TECPR2: variants seen among roughly 807,000 people sequenced by gnomAD.
TECPR2 encodes the protein tectonin beta-propeller repeat-containing protein 2.
A neutral mutation model predicts 138.1 loss-of-function variants in TECPR2; 65 were observed. The observed-to-expected ratio is 0.47, with a 90% CI of 0.39 to 0.58. The LOEUF (loss-of-function observed/expected upper bound fraction) is 0.58, where lower values mean the gene tolerates loss of function less well. TECPR2 is among the 20% of genes least tolerant of loss of function. The pLI is 0.00. For missense variants in TECPR2, 1,553 were observed against 1,824.5 expected (o/e 0.85, Z 2.71); for synonymous variants, 746 against 749.8 (o/e 0.99, Z 0.08).
At chr14:102,395,749 G>A (rs1166322384) in intron 2 of TECPR2, among the ~76,000 whole-genome samples, 1 of 151,900 alleles carries the variant, frequency 6.6e-6, no homozygotes, top group African/African-American at 2.4e-5. Context: ...AGTGAGCCGA[G>A]ATCACACCGT....
At chr14:102,482,943 A>C (rs1595147059) in intron 17 of TECPR2, among the ~76,000 whole-genome samples, 1 of 139,818 alleles carries the variant, frequency 7.2e-6, no homozygotes. Flanking sequence ...TCCCAGGTTC[A>C]CGCCATTCTC....
intron 10 of TECPR2, among the ~76,000 whole-genome samples, chr14:102,439,277 G>A (rs1001687840): frequency 5.3e-5 from 8 of 152,150 alleles, no homozygotes. Flanking sequence ...GAAGTCAGAC[G>A]AAGCCGAAGC....
At chr14:102,385,153 G>A (rs944609181) in intron 2 of TECPR2, among the ~76,000 whole-genome samples, 9 of 152,082 alleles carry the variant, frequency 5.9e-5, no homozygotes, top group South Asian at 2.1e-4. Flanking sequence ...CACGGCACCC[G>A]GCTCTTTTTC....
chr14:102,407,585 T>C, intron 3 of TECPR2, 119 bp downstream of exon 3: 1 of 1,344,432 alleles, frequency 7.4e-7, no homozygotes, highest in Non-Finnish European at 9.9e-7. Context: ...GGCACGACTT[T>C]CTCTGCCCAG....
At position 102,448,892 on chromosome 14, in the gene TECPR2, C is replaced by T. The variant is rs540469262; in HGVS notation, c.3076-737C>T. ...AAAAAAAAAAAAGTTCATCACTCTA[C>T]TTGTGATACCTTTTTAGATGCATAT... On this transcript the variant is annotated intron_variant, in intron 13 of 19. Transcript: ENST00000359520. Among the ~76,000 whole-genome samples the T allele has an allele frequency of 4.6e-5, 7 of 152,012 alleles. 1 individual carries two copies. The highest frequency in any genetic ancestry group is 1.7e-4 in the African/African-American group (7 of 41,508).
Position 102,443,635 on chromosome 14 carries a change from T to C in TECPR2, c.2753-12T>C. 6.5e-7 allele frequency: 1 copy of C among 1,542,676 alleles called. No homozygotes were observed. Among genetic ancestry groups the C allele is most frequent in the East Asian group, 2.3e-5 (1 of 43,580 alleles). ...TGTGTGTCTTTGGGGCTTCTTCCCA[T>C]CTTCCTGGCAGGTCTGAGCGTGGAT... is the stretch of plus-strand genomic sequence containing the variant. On this transcript the variant is annotated splice_polypyrimidine_tract_variant and intron_variant, in intron 11 of 19. Coordinates refer to ENST00000359520, the MANE Select transcript of TECPR2 (RefSeq NM_014844.5). The surrounding 1 kb of genome is among the most constrained non-coding windows in gnomAD (Gnocchi z 4.9).
At chr14:102,475,872 G>A (rs1890746933) in intron 17 of TECPR2, among the ~76,000 whole-genome samples, 1 of 152,122 alleles carries the variant, frequency 6.6e-6, no homozygotes, top group South Asian at 2.1e-4. Flanking sequence ...TGTTCAAGAA[G>A]CTAGTAGAGA....
intron 9 of TECPR2, among the ~76,000 whole-genome samples, chr14:102,435,473 C>T (rs1360285687): frequency 6.6e-6 from 1 of 152,148 alleles, no homozygotes; most frequent in East Asian, 1.9e-4. Flanking sequence ...TTCCTCTGAC[C>T]CCACAAGTGC....
chr14:102,375,854 C>T (rs1887627946), intron 1 of TECPR2, among the ~76,000 whole-genome samples: 1 of 152,232 alleles, frequency 6.6e-6, no homozygotes, highest in Non-Finnish European at 1.5e-5. Flanking sequence ...TCATGACCCT[C>T]TGGCCCCCAG....
chr14:102,450,003 G>A, intron 14 of TECPR2, 134 bp downstream of exon 14: 1 of 1,288,466 alleles, frequency 7.8e-7, no homozygotes, highest in Non-Finnish European at 1.1e-6. Flanking sequence ...TCTAGTGGAG[G>A]CACTCTATGC....
In TECPR2 at chr14:102,420,819, C is replaced by G. The variant is rs1307627228; in HGVS notation, c.639-4160C>G. 6.6e-6 allele frequency among the ~76,000 whole-genome samples: 1 copy of G among 152,120 alleles called. No individual in the cohort carries two copies. The highest frequency in any genetic ancestry group is 1.5e-5 in the Non-Finnish European group (1 of 68,012). On this transcript the variant is annotated intron_variant, in intron 5 of 19. Coordinates refer to ENST00000359520, the MANE Select transcript of TECPR2 (RefSeq NM_014844.5). This position sits in a 1 kb window ranked among gnomAD's most constrained non-coding sequence, Gnocchi z 4.1. ...ACTCCCAGGACCTTGCTCAGCAGGGCTCCTTTCCCTTCCTCCAGGGTAAGA... is the reference window on the plus strand; with the variant it reads ...ACTCCCAGGACCTTGCTCAGCAGGGGTCCTTTCCCTTCCTCCAGGGTAAGA...
chr14:102,456,548 A>G (rs1238618801), intron 16 of TECPR2, among the ~76,000 whole-genome samples: 1 of 149,778 alleles, frequency 6.7e-6, no homozygotes, highest in Non-Finnish European at 1.5e-5. Flanking sequence ...GCTCGAGGCC[A>G]TCTTGGACTC....
At chr14:102,365,687 G>A (rs1887328882) in intron 1 of TECPR2, among the ~76,000 whole-genome samples, 1 of 152,204 alleles carries the variant, frequency 6.6e-6, no homozygotes, top group Admixed American at 6.5e-5. Context: ...TAGACAGAGA[G>A]GAGATCAGTG....
In TECPR2 at chr14:102,376,515, C is replaced by T. The variant is rs1032091925; in HGVS notation, c.-72-135C>T. Reference sequence around the variant, plus strand: ...ATGCTCAAAAGTGATCTTAGTGACACGTGTTTACTTTCCCTGTTTATTTAA... The same window carrying T: ...ATGCTCAAAAGTGATCTTAGTGACATGTGTTTACTTTCCCTGTTTATTTAA... On this transcript the variant is annotated intron_variant, in intron 1 of 19. Transcript: ENST00000359520. 8 of 577,566 alleles carry T rather than the reference C, an allele frequency of 1.4e-5. 1 individual carries two copies. The highest frequency in any genetic ancestry group is 6.0e-5 in the Admixed American group (2 of 33,280). 35.8% of individuals were successfully genotyped at this position (577,566 alleles called of 1,614,324 possible). A position where few individuals can be genotyped will look rare whatever the true frequency, so the allele number is the denominator to read the frequency against.
chr14:102,427,199 A>G (rs141626382), intron 6 of TECPR2, among the ~76,000 whole-genome samples: 2 of 152,340 alleles, frequency 1.3e-5, no homozygotes, highest in African/African-American at 2.4e-5. Context: ...CCCTTTCCTC[A>G]GTTACAGAGA....
chr14:102,401,870 G>T lies in TECPR2; in HGVS notation c.220-5468G>T, dbSNP rs181745150. 5.4e-5 allele frequency among the ~76,000 whole-genome samples: 8 copies of T among 147,146 alleles called. No homozygotes were observed. The East Asian group carries it at 1.6e-3, about 29-fold the overall frequency. On this transcript the variant is annotated intron_variant, in intron 2 of 19. Coordinates refer to ENST00000359520, the MANE Select transcript of TECPR2 (RefSeq NM_014844.5). ...TCCAAATGTTGCTGGTGAAAGGATA[G>T]AAAAAGATATTCCATGCAAATAGTA...
intron 1 of TECPR2, among the ~76,000 whole-genome samples, chr14:102,364,896 A>G (rs1243066924): frequency 6.6e-6 from 1 of 152,218 alleles, no homozygotes; most frequent in Non-Finnish European, 1.5e-5. Context: ...CTTTGGTGTC[A>G]AGCACGAAGA....
rs572350795 is a variant in TECPR2 at position 102,466,145 on chromosome 14, G to A, written c.3789+856G>A. Among the ~76,000 whole-genome samples the A allele has an allele frequency of 2.6e-5, 4 of 152,262 alleles. No individual in the cohort carries two copies. The East Asian group carries it at 5.8e-4, about 22-fold the overall frequency. Reference sequence around the variant, plus strand: ...CTGTCTACATTTTGGTCATGGTGAGGCCTCAGGGATGAGGACACCAGTGGT... The same window carrying A: ...CTGTCTACATTTTGGTCATGGTGAGACCTCAGGGATGAGGACACCAGTGGT... On this transcript the variant is annotated intron_variant, in intron 17 of 19. Coordinates refer to ENST00000359520, the MANE Select transcript of TECPR2 (RefSeq NM_014844.5).
Position 102,398,459 on chromosome 14 carries a change from G to A in TECPR2, c.220-8879G>A, listed in dbSNP as rs184798480. ...TATCTGGAAGCTTCCCAGATTTGAC[G>A]AGAGACATGGATATAAACATCTAGG... On this transcript the variant is annotated intron_variant, in intron 2 of 19. Coordinates refer to ENST00000359520, the MANE Select transcript of TECPR2 (RefSeq NM_014844.5). Among the ~76,000 whole-genome samples, 287 of 152,212 alleles carry A rather than the reference G, an allele frequency of 1.9e-3. 1 individual carries two copies. The highest frequency in any genetic ancestry group is 6.1e-3 in the African/African-American group (252 of 41,526).
Sources: gnomAD v4.1 joint callset for allele counts (sites outside exome capture counted in the v4.1 genomes callset) on GRCh38, gnomAD v4.1.1 for gene constraint, Gnocchi (gnomAD v3.1) non-coding constraint, MANE v1.5 for transcripts, NCBI Gene and HGNC (gene_info 2026-07-23, HGNC 2026-07-21) for gene names.